Variants in ATP6V1E2 observed in about 807,000 individuals in gnomAD.
ATP6V1E2 encodes the protein ATPase H+ transporting V1 subunit E2.
For synonymous variants in ATP6V1E2, 121 were observed against 104.2 expected, an observed-to-expected ratio of 1.16 and a Z score of -0.98; for missense variants, 308 against 273.3, an observed-to-expected ratio of 1.13 and a Z score of -0.90.
At chr2:46,532,324 AT>A (rs11366811) in intron 4 of ATP6V1E2, among the ~76,000 whole-genome samples, 37,148 of 124,502 alleles carry the variant, frequency 0.3, 4,605 homozygotes, top group Middle Eastern at 0.33. Context: ...TTCCTTTTTG[AT>A]TTTTTTTTTT....
In ATP6V1E2 at chr2:46,542,572, G is replaced by GGGGGCGCGTGGCGC. The variant is rs1241374926; in HGVS notation, c.-730_-729insGCGCCACGCGCCCC. The GGGGGCGCGTGGCGC allele has an allele frequency of 7.5e-5, 11 of 147,232 alleles. No individual in the cohort carries two copies. Among genetic ancestry groups the GGGGGCGCGTGGCGC allele is most frequent in the Admixed American group, 7.4e-4 (11 of 14,826 alleles). 9.1% of individuals were successfully genotyped at this position (147,232 alleles called of 1,614,324 possible). On this transcript the variant is annotated 5_prime_UTR_variant, in exon 1 of 5. Transcript: ENST00000522587. ...GCAGGGCCGCGCGGCGGCAGCAGGC[G>GGGGGCGCGTGGCGC]GGGGCGCGTGGCGCGGGCCGCGCTC...
intron 4 of ATP6V1E2, chr2:46,527,993 C>G (rs1431510473): frequency 6.6e-6 from 1 of 152,200 alleles, no homozygotes; most frequent in Non-Finnish European, 1.5e-5. Flanking sequence ...TTGGGTGTCT[C>G]CAAGTGTGAA....
rs139911085 is a variant in ATP6V1E2, at chr2:46,526,182, C to T, written c.-102+9631G>A. Among the ~76,000 whole-genome samples, 437 of 151,746 alleles carry T rather than the reference C, an allele frequency of 2.9e-3. 1 individual carries two copies. The highest frequency in any genetic ancestry group is 0.021 in the Middle Eastern group (6 of 292). On this transcript the variant is annotated intron_variant, in intron 4 of 4. Transcript: ENST00000522587. ...CCAGGCTGGAGTGCGGTGGTGTGAT[C>T]TCGGCTCACTACAACCCCCGCCTCC...
At chr2:46,534,273 G>A (rs1012316658) in intron 4 of ATP6V1E2, 1 of 152,076 alleles carries the variant, frequency 6.6e-6, no homozygotes, top group African/African-American at 2.4e-5. Context: ...AGTTTCTATT[G>A]CTATGTCTTC....
At chr2:46,536,168 T>C (rs772616488) in intron 3 of ATP6V1E2, among the ~76,000 whole-genome samples, 1 of 152,160 alleles carries the variant, frequency 6.6e-6, no homozygotes, top group Non-Finnish European at 1.5e-5. Context: ...TGGCAAAACA[T>C]TAAGAGCGCT....
intron 4 of ATP6V1E2, among the ~76,000 whole-genome samples, chr2:46,523,503 C>CA (rs1222042998): frequency 6.6e-6 from 1 of 152,162 alleles, no homozygotes; most frequent in African/African-American, 2.4e-5. Context: ...ATCCTTTCCC[C>CA]ATTGCTTGTT....
chr2:46,540,436 C>A (rs1222142043), intron 2 of ATP6V1E2, among the ~76,000 whole-genome samples: 60 of 124,786 alleles, frequency 4.8e-4, no homozygotes, highest in Admixed American at 5.8e-4. Flanking sequence ...GACCCTATCT[C>A]AAAAAAAAAA....
At position 46,529,444 on chromosome 2, in the gene ATP6V1E2, A is replaced by G. The variant is rs1667076621; in HGVS notation, c.-102+6369T>C. 2.6e-5 allele frequency among the ~76,000 whole-genome samples: 4 copies of G among 152,218 alleles called. No homozygotes were observed. The South Asian group carries it at 8.3e-4, about 32-fold the overall frequency. The stretch of plus-strand genomic sequence containing the variant: ...CATCTCAACCCTGCCCACAGAGTCT[A>G]GTACATAGCAGTAGCTTAATAATGA... On this transcript the variant is annotated intron_variant, in intron 4 of 4. Transcript: ENST00000522587.
intron 4 of ATP6V1E2, among the ~76,000 whole-genome samples, chr2:46,525,865 C>T (rs1317472359): frequency 6.6e-6 from 1 of 151,330 alleles, no homozygotes; most frequent in African/African-American, 2.4e-5. Flanking sequence ...TGCTTCAAAG[C>T]TGCATATCTA....
intron 4 of ATP6V1E2, among the ~76,000 whole-genome samples, chr2:46,526,521 C>G (rs989360309): frequency 2.5e-4 from 38 of 152,192 alleles, no homozygotes; most frequent in African/African-American, 9.2e-4. Flanking sequence ...ACTCTGTATC[C>G]ATTAAACACT....
chr2:46,534,143 C>T (rs957853382), intron 4 of ATP6V1E2, among the ~76,000 whole-genome samples: 1 of 152,162 alleles, frequency 6.6e-6, no homozygotes, highest in Non-Finnish European at 1.5e-5. Context: ...TGTTTTTGGC[C>T]TTCAAATCAT....
chr2:46,524,225 T>C (rs116087626), intron 4 of ATP6V1E2, among the ~76,000 whole-genome samples: 1 of 152,314 alleles, frequency 6.6e-6, no homozygotes, highest in African/African-American at 2.4e-5. Flanking sequence ...TTATAATGTA[T>C]TGTTGACCTG....
intron 4 of ATP6V1E2, among the ~76,000 whole-genome samples, chr2:46,527,409 G>C (rs923258764): frequency 2.0e-5 from 3 of 152,104 alleles, no homozygotes; most frequent in African/African-American, 7.2e-5. Context: ...TTTTAGTAGA[G>C]ACAGGGTTTC....
intron 2 of ATP6V1E2, among the ~76,000 whole-genome samples, chr2:46,539,171 C>T (rs950966953): frequency 6.6e-6 from 1 of 152,192 alleles, no homozygotes; most frequent in Non-Finnish European, 1.5e-5. Flanking sequence ...ATACTCTCTA[C>T]AAAGTTTACA....
intron 4 of ATP6V1E2, among the ~76,000 whole-genome samples, chr2:46,521,838 A>G (rs7599261): frequency 0.6 from 90,309 of 151,682 alleles, 27,791 homozygotes; most frequent in East Asian, 0.83. Context: ...CTACAGGTGC[A>G]TGCCACCACA....
Position 46,512,159 on chromosome 2 carries a change from T to G in ATP6V1E2, c.553A>C (p.Ser185Arg). 1 of 1,614,220 alleles carries G rather than the reference T, an allele frequency of 6.2e-7. No individual in the cohort carries two copies. The highest frequency in any genetic ancestry group is 8.5e-7 in the Non-Finnish European group (1 of 1,180,028). The change falls in exon 5 of 5, where the codon AGT becomes CGT. Residue 185 changes from serine (S) to arginine (R), a missense_variant. Transcript: ENST00000522587. Reference sequence around the variant, plus strand: ...GAAACCTTTATTCTCTGATTGCCACTGTAGACCTCCACACCTCCAGCTGCA... The same window carrying G: ...GAAACCTTTATTCTCTGATTGCCACGGTAGACCTCCACACCTCCAGCTGCA... ...VNAAGGVEVY[S>R]GNQRIKVSNT...
Position 46,535,016 on chromosome 2 carries a change from C to T in ATP6V1E2, c.-102+797G>A, listed in dbSNP as rs1667375537. On this transcript the variant is annotated intron_variant, in intron 4 of 4. Transcript: ENST00000522587. This position sits in a 1 kb window ranked among gnomAD's most constrained non-coding sequence, Gnocchi z 4.4. ...TATTCTCTCCTTTCTGATACTCTGCCTTGAAAAGTCTGCTCAACTATCTCC... is the reference window on the plus strand; with the variant it reads ...TATTCTCTCCTTTCTGATACTCTGCTTTGAAAAGTCTGCTCAACTATCTCC... 1 of 152,186 alleles carries T rather than the reference C, an allele frequency of 6.6e-6. No individual in the cohort carries two copies. Among genetic ancestry groups the T allele is most frequent in the Admixed American group, 6.5e-5 (1 of 15,284 alleles). The allele number at this position is 152,186 out of a possible 1,614,324, so 9.4% of individuals were successfully genotyped here.
intron 4 of ATP6V1E2, among the ~76,000 whole-genome samples, chr2:46,533,212 T>C (rs1330734836): frequency 5.2e-5 from 3 of 57,354 alleles, no homozygotes; most frequent in African/African-American, 1.4e-4. Context: ...TGTAGATAGA[T>C]AGATAGATAG....
At position 46,512,717 on chromosome 2, in the gene ATP6V1E2, C is replaced by A. The variant is rs185014020; in HGVS notation, c.-6G>T. 1 of 1,604,126 alleles carries A rather than the reference C, an allele frequency of 6.2e-7. No homozygotes were observed. The highest frequency in any genetic ancestry group is 8.5e-7 in the Non-Finnish European group (1 of 1,175,628). ...TCGACATCACTCAGGGCCATGGCTG[C>A]TCTCAGAGGGGACGGCAGAGAGGGA... On this transcript the variant is annotated 5_prime_UTR_variant, in exon 5 of 5. Transcript: ENST00000522587.
Sources: gnomAD v4.1 joint callset for allele counts (sites outside exome capture counted in the v4.1 genomes callset) on GRCh38, gnomAD v4.1.1 for gene constraint, Gnocchi (gnomAD v3.1) non-coding constraint, MANE v1.5 for transcripts, NCBI Gene and HGNC (gene_info 2026-07-23, HGNC 2026-07-21) for gene names.